Variants in PSPC1 observed in about 807,000 individuals in gnomAD.
The protein encoded by PSPC1 is paraspeckle protein 1.
PSPC1 carries 14 observed loss-of-function variants against 51.6 expected under a neutral mutation model. The ratio of observed to expected loss-of-function variants is 0.27; its 90% CI spans 0.18 to 0.42. The LOEUF is 0.42. PSPC1 is among the 10% of genes least tolerant of loss of function. PSPC1 has a pLI of 1.00. For synonymous variants in PSPC1, 193 were observed against 231.9 expected, an observed-to-expected ratio of 0.83 and a Z score of 1.53; for missense variants, 406 against 701.1, an observed-to-expected ratio of 0.58 and a Z score of 4.75.
intron 6 of PSPC1, among the ~76,000 whole-genome samples, chr13:19,724,340 A>G (rs944020653): frequency 1.4e-4 from 22 of 152,224 alleles, no homozygotes; most frequent in African/African-American, 5.3e-4. Context: ...TACCAGATAG[A>G]GTTTCTGTTT....
chr13:19,744,990 A>G (rs543794634), intron 4 of PSPC1, among the ~76,000 whole-genome samples: 1 of 152,298 alleles, frequency 6.6e-6, no homozygotes, highest in East Asian at 1.9e-4. Context: ...AAACCAAATA[A>G]CACTTTGAAA....
chr13:19,692,004 G>A (rs1474554602), intron 6 of PSPC1, among the ~76,000 whole-genome samples: 1 of 152,184 alleles, frequency 6.6e-6, no homozygotes, highest in Non-Finnish European at 1.5e-5. Context: ...GGAGGTAGAT[G>A]AGGTTGGAAA....
chr13:19,688,931 A>G (rs1352420168), intron 6 of PSPC1, among the ~76,000 whole-genome samples: 2 of 149,918 alleles, frequency 1.3e-5, no homozygotes, highest in Admixed American at 6.8e-5. Context: ...ATTTTAATAC[A>G]TAAGTTACTT....
At chr13:19,671,289 G>GTC, downstream of PSPC1, 1 of 1,610,324 alleles carries the variant, frequency 6.2e-7, no homozygotes, top group Non-Finnish European at 8.5e-7. Flanking sequence ...CCTCTGCCAA[G>GTC]GTGACAGTCC....
chr13:19,762,272 A>G (rs1030129080), intron 2 of PSPC1, among the ~76,000 whole-genome samples: 11 of 152,244 alleles, frequency 7.2e-5, no homozygotes, highest in South Asian at 6.2e-4. Context: ...GCAAAGATCA[A>G]TCAGGCTGGG....
At chr13:19,781,100 C>T (rs111322180) in intron 1 of PSPC1, among the ~76,000 whole-genome samples, 8,909 of 149,904 alleles carry the variant, frequency 0.059, 405 homozygotes, top group Non-Finnish European at 0.093. Flanking sequence ...GAACTGAGAT[C>T]GCGCCACTGC....
At chr13:19,675,051 C>T in intron 7 of PSPC1, 1 of 152,820 alleles carries the variant, frequency 6.5e-6, no homozygotes, top group Non-Finnish European at 1.5e-5. Context: ...AGATCAAGGA[C>T]TCATCTGTCC....
At chr13:19,779,141 C>A (rs1396087963) in intron 1 of PSPC1, among the ~76,000 whole-genome samples, 2 of 89,914 alleles carry the variant, frequency 2.2e-5, no homozygotes, top group African/African-American at 7.9e-5. Context: ...CTGGCAACCG[C>A]CCCGTCTGAG....
intron 6 of PSPC1, among the ~76,000 whole-genome samples, chr13:19,726,366 A>AT (rs1883359510): frequency 6.6e-6 from 1 of 152,222 alleles, no homozygotes; most frequent in Non-Finnish European, 1.5e-5. Flanking sequence ...TTTAACACGT[A>AT]TATCTCCTGG....
At chr13:19,733,879 A>G (rs1015611989) in intron 5 of PSPC1, among the ~76,000 whole-genome samples, 2 of 151,914 alleles carry the variant, frequency 1.3e-5, no homozygotes, top group African/African-American at 4.8e-5. Flanking sequence ...CTTGAACCCC[A>G]TAAGGTGAGA....
chr13:19,672,026 C>T (rs968534136), downstream of PSPC1: 58 of 727,720 alleles, frequency 8.0e-5, no homozygotes, highest in South Asian at 1.5e-4. Flanking sequence ...CTGTAAGATG[C>T]GACATAGCTG....
chr13:19,688,338 T>C (rs983259840), intron 6 of PSPC1, among the ~76,000 whole-genome samples: 10 of 152,114 alleles, frequency 6.6e-5, no homozygotes, highest in Non-Finnish European at 1.2e-4. Context: ...TAACCTCCTG[T>C]CACACGATGC....
At chr13:19,745,912 G>A (rs1163114567) in intron 4 of PSPC1, among the ~76,000 whole-genome samples, 1 of 151,708 alleles carries the variant, frequency 6.6e-6, no homozygotes, top group East Asian at 1.9e-4. Context: ...TCTCAAGTAG[G>A]TTCAGGCATG....
chr13:19,738,814 G>A (rs1392115798), intron 5 of PSPC1, among the ~76,000 whole-genome samples: 1 of 151,932 alleles, frequency 6.6e-6, no homozygotes, highest in Non-Finnish European at 1.5e-5. Context: ...GGCTGAGGCA[G>A]GAGAATGGCG....
chr13:19,697,368 AG>A (rs1879385270), intron 6 of PSPC1, among the ~76,000 whole-genome samples: 1 of 152,188 alleles, frequency 6.6e-6, no homozygotes, highest in Non-Finnish European at 1.5e-5. Context: ...CCCTTAATTT[AG>A]AGGACAAGTT....
At chr13:19,753,422 G>A (rs2138147574) in intron 3 of PSPC1, among the ~76,000 whole-genome samples, 1 of 152,114 alleles carries the variant, frequency 6.6e-6, no homozygotes, top group East Asian at 1.9e-4. Flanking sequence ...TTTTTGTAGA[G>A]ATGAGGTACC....
chr13:19,740,331 G>A (rs1450168652), intron 5 of PSPC1, among the ~76,000 whole-genome samples: 22 of 149,972 alleles, frequency 1.5e-4, no homozygotes, highest in East Asian at 5.9e-4. Flanking sequence ...CAACAAGAGC[G>A]AAACTCCCTC....
At chr13:19,713,606 A>C (rs1176742983) in intron 6 of PSPC1, among the ~76,000 whole-genome samples, 1 of 149,824 alleles carries the variant, frequency 6.7e-6, no homozygotes, top group African/African-American at 2.4e-5. Context: ...CAAGATTTTA[A>C]CTTATCTTTG....
chr13:19,707,045 AAGAGAATATAAG>A (rs1471662802), intron 7 of PSPC1, among the ~76,000 whole-genome samples: 3 of 152,168 alleles, frequency 2.0e-5, no homozygotes, highest in African/African-American at 7.2e-5. Flanking sequence ...TCTAGACATG[AAGAGAATATAAG>A]AACAGTATCT....
Sources: allele counts gnomAD v4.1 joint callset (sites outside exome capture counted in the v4.1 genomes callset), GRCh38; gene constraint gnomAD v4.1.1; transcripts MANE v1.5; gene names NCBI Gene and HGNC (gene_info 2026-07-23, HGNC 2026-07-21).